The following ZSWIM5 variants were observed in gnomAD, a reference collection of about 807,000 sequenced individuals.
The protein encoded by ZSWIM5 is zinc finger SWIM domain-containing protein 5.
A neutral mutation model predicts 119.6 loss-of-function variants in ZSWIM5; 55 were observed. The observed-to-expected ratio is 0.46, with a 90% CI of 0.37 to 0.58. The LOEUF (loss-of-function observed/expected upper bound fraction) is 0.58. Among genes scored for constraint, ZSWIM5 ranks in the 20% least tolerant of loss-of-function variants. The pLI, the probability that ZSWIM5 is intolerant of heterozygous loss-of-function variation, is 0.00. For synonymous variants in ZSWIM5, 537 were observed against 606.9 expected (o/e 0.88, Z 1.69); for missense variants, 1,193 against 1,512.8 (o/e 0.79, Z 3.51).
At chr1:45,065,053 A>G (rs189988895) in intron 2 of ZSWIM5, among the ~76,000 whole-genome samples, 1 of 152,352 alleles carries the variant, frequency 6.6e-6, no homozygotes, top group Non-Finnish European at 1.5e-5. Flanking sequence ...GGATAATTAG[A>G]GTTCTTACCA....
At chr1:45,043,143 C>T (rs778121383) in intron 6 of ZSWIM5, 76 bp downstream of exon 6, 104 of 1,413,216 alleles carry the variant, frequency 7.4e-5, no homozygotes, top group African/African-American at 9.9e-5. Flanking sequence ...GTTGCAGGTA[C>T]GTATGAAGAT....
At chr1:45,174,022 G>A (rs1570179589) in intron 1 of ZSWIM5, among the ~76,000 whole-genome samples, 1 of 151,988 alleles carries the variant, frequency 6.6e-6, no homozygotes, top group African/African-American at 2.4e-5. Flanking sequence ...CGACTGTAAT[G>A]CCAGCACTTT....
At chr1:45,177,458 A>T (rs974680636) in intron 1 of ZSWIM5, among the ~76,000 whole-genome samples, 3 of 152,118 alleles carry the variant, frequency 2.0e-5, no homozygotes, top group African/African-American at 7.2e-5. Context: ...AATTTCTACA[A>T]TTCCTACAAC....
At chr1:45,161,113 C>T (rs1487871311) in intron 1 of ZSWIM5, among the ~76,000 whole-genome samples, 1 of 151,652 alleles carries the variant, frequency 6.6e-6, no homozygotes, top group South Asian at 2.1e-4. Flanking sequence ...CATGAGCCAC[C>T]GTGCCTGGCC....
At chr1:45,178,234 T>C (rs1024870652) in intron 1 of ZSWIM5, among the ~76,000 whole-genome samples, 3 of 151,720 alleles carry the variant, frequency 2.0e-5, no homozygotes, top group Non-Finnish European at 2.9e-5. Flanking sequence ...GAGACCAGCC[T>C]GGCCAACAGG....
At chr1:45,190,626 T>C (rs1266005318) in intron 1 of ZSWIM5, among the ~76,000 whole-genome samples, 1 of 152,194 alleles carries the variant, frequency 6.6e-6, no homozygotes, top group Non-Finnish European at 1.5e-5. Flanking sequence ...AGGCATTTAT[T>C]CCTCTAACTG....
At chr1:45,141,056 C>A (rs943805653) in intron 1 of ZSWIM5, among the ~76,000 whole-genome samples, 3 of 151,984 alleles carry the variant, frequency 2.0e-5, no homozygotes, top group African/African-American at 7.3e-5. Flanking sequence ...GTGAAAAATC[C>A]CCCATTTTTT....
intron 1 of ZSWIM5, among the ~76,000 whole-genome samples, chr1:45,169,748 G>A (rs899233187): frequency 2.0e-5 from 3 of 152,084 alleles, no homozygotes; most frequent in East Asian, 1.9e-4. Context: ...TATTATTAAA[G>A]GAACAAATAA....
chr1:45,096,548 A>G (rs919379217), intron 1 of ZSWIM5, among the ~76,000 whole-genome samples: 15 of 151,240 alleles, frequency 9.9e-5, no homozygotes, highest in African/African-American at 1.2e-4. Flanking sequence ...ACACACACAC[A>G]CACACGCACA....
intron 1 of ZSWIM5, among the ~76,000 whole-genome samples, chr1:45,166,581 C>G (rs1004633694): frequency 2.0e-5 from 3 of 152,130 alleles, no homozygotes; most frequent in African/African-American, 7.2e-5. Context: ...CCCATCATCT[C>G]AGCCCAAAAT....
intron 1 of ZSWIM5, among the ~76,000 whole-genome samples, chr1:45,092,436 A>G (rs554726483): frequency 6.6e-6 from 1 of 151,570 alleles, no homozygotes; most frequent in East Asian, 1.9e-4. Flanking sequence ...AGCTGGGATT[A>G]CAGGTGCCTG....
intron 1 of ZSWIM5, among the ~76,000 whole-genome samples, chr1:45,105,020 C>T (rs531544342): frequency 1.0e-3 from 158 of 152,294 alleles, no homozygotes; most frequent in African/African-American, 3.5e-3. Flanking sequence ...CTGAGATCTT[C>T]GGCTCGCCGC....
At chr1:45,089,417 A>C (rs114248008) in intron 1 of ZSWIM5, among the ~76,000 whole-genome samples, 1 of 152,220 alleles carries the variant, frequency 6.6e-6, no homozygotes, top group Non-Finnish European at 1.5e-5. Context: ...AAAAAAGAAG[A>C]TATTTGTGAA....
chr1:45,109,866 T>C (rs1010335048), intron 1 of ZSWIM5, among the ~76,000 whole-genome samples: 6 of 152,146 alleles, frequency 3.9e-5, no homozygotes, highest in African/African-American at 7.2e-5. Context: ...CTATGTACTA[T>C]ATTTTTCCTT....
chr1:45,131,362 T>C (rs1035098834), intron 1 of ZSWIM5, among the ~76,000 whole-genome samples: 6 of 152,102 alleles, frequency 3.9e-5, no homozygotes, highest in African/African-American at 9.7e-5. Flanking sequence ...AGATGAATAA[T>C]ATATAATATT....
At chr1:45,205,587 G>A (rs1190345580) in intron 1 of ZSWIM5, among the ~76,000 whole-genome samples, 169 bp downstream of exon 1, 1 of 152,176 alleles carries the variant, frequency 6.6e-6, no homozygotes, top group Non-Finnish European at 1.5e-5. Flanking sequence ...AAAGAGCAGT[G>A]GTGGACCTGA....
intron 2 of ZSWIM5, among the ~76,000 whole-genome samples, chr1:45,082,191 G>C (rs1462365571): frequency 2.0e-5 from 3 of 151,666 alleles, no homozygotes; most frequent in Non-Finnish European, 4.4e-5. Flanking sequence ...AAACGCTGCG[G>C]AAGGCCGCAG....
At chr1:45,157,807 A>T (rs983827786) in intron 1 of ZSWIM5, among the ~76,000 whole-genome samples, 1 of 152,088 alleles carries the variant, frequency 6.6e-6, no homozygotes, top group Non-Finnish European at 1.5e-5. Context: ...TATGTCTGAG[A>T]CTTCTGAATG....
In ZSWIM5 at chr1:45,058,731, G is replaced by C. The variant is rs12751234; in HGVS notation, c.1130C>G (p.Ser377Cys). The part of the protein sequence containing the change: ...KVREMLRMRD[S>C]NGARMLTLIT... Reference sequence around the variant, plus strand: ...TAGTGTCAGCATCCTTGCTCCATTGGAATCTCTCATCCGCAGCATTTCTCG... The same window carrying C: ...TAGTGTCAGCATCCTTGCTCCATTGCAATCTCTCATCCGCAGCATTTCTCG... Residue 377 changes from serine (S) to cysteine (C), a missense_variant, in exon 4 of 14, where the codon TCC becomes TGC. By Grantham distance (112) the Ser-to-Cys change is moderately radical. Transcript: ENST00000359600. 3 of 1,614,144 alleles carry C rather than the reference G, an allele frequency of 1.9e-6. No individual in the cohort carries two copies. The highest frequency in any genetic ancestry group is 2.5e-6 in the Non-Finnish European group (3 of 1,180,038).
Sources: gnomAD v4.1 joint callset for allele counts (sites outside exome capture counted in the v4.1 genomes callset) on GRCh38, gnomAD v4.1.1 for gene constraint, MANE v1.5 for transcripts, NCBI Gene and HGNC (gene_info 2026-07-23, HGNC 2026-07-21) for gene names.